The following PDZD2 variants were observed in gnomAD, a reference collection of about 807,000 sequenced individuals.
The protein encoded by PDZD2 is PDZ domain-containing protein 2.
PDZD2 carries 90 observed loss-of-function variants against 220.7 expected under a neutral mutation model. The ratio of observed to expected loss-of-function variants is 0.41; its 90% CI spans 0.34 to 0.49. The LOEUF (loss-of-function observed/expected upper bound fraction) is 0.49, where lower values mean the gene tolerates loss of function less well. PDZD2 is among the 20% of genes least tolerant of loss of function. The pLI is 0.28. For missense variants in PDZD2, 3,174 were observed against 3,608.5 expected (o/e 0.88, Z 3.08); for synonymous variants, 1,375 against 1,450.5 (o/e 0.95, Z 1.18).
At position 32,108,632 on chromosome 5, in the gene PDZD2, T is replaced by C. The variant is rs1233902592; in HGVS notation, c.*497T>C. 1 of 152,884 alleles carries C rather than the reference T, an allele frequency of 6.5e-6. No homozygotes were observed. The highest frequency in any genetic ancestry group is 1.5e-5 in the Non-Finnish European group (1 of 68,234). 9.5% of individuals were successfully genotyped at this position (152,884 alleles called of 1,614,324 possible). A position where few individuals can be genotyped will look rare whatever the true frequency, so the allele number is the denominator to read the frequency against. On this transcript the variant is annotated 3_prime_UTR_variant, in exon 25 of 25. Coordinates refer to ENST00000438447, the MANE Select transcript of PDZD2 (RefSeq NM_178140.4). ...AGGCACATTCAATGGAAGGAGGAGA[T>C]GTAGGTCTGTATATGTTACCCTGAA...
intron 1 of PDZD2, among the ~76,000 whole-genome samples, chr5:31,777,425 G>A (rs368441587): frequency 1.3e-3 from 190 of 146,904 alleles, no homozygotes; most frequent in African/African-American, 4.1e-3. Context: ...CCACGTGTCC[G>A]GAGCCTCCCC....
At chr5:31,835,940 C>T (rs1282168616) in intron 2 of PDZD2, among the ~76,000 whole-genome samples, 1 of 152,166 alleles carries the variant, frequency 6.6e-6, no homozygotes. Flanking sequence ...CTATTATTTC[C>T]AGCAGGCTCA....
chr5:31,708,730 A>G (rs1009367691), intron 1 of PDZD2, among the ~76,000 whole-genome samples: 26 of 152,312 alleles, frequency 1.7e-4, no homozygotes, highest in Admixed American at 1.2e-3. Flanking sequence ...AGACTTTCAC[A>G]TGGTATTGGG....
chr5:31,693,352 C>T (rs1201262744), intron 1 of PDZD2, among the ~76,000 whole-genome samples: 1 of 148,066 alleles, frequency 6.8e-6, no homozygotes, highest in Non-Finnish European at 1.5e-5. Context: ...AGCGATTCTT[C>T]GGTCTCAGCC....
chr5:32,003,061 CA>C (rs1752395242), intron 5 of PDZD2, among the ~76,000 whole-genome samples: 1 of 124,634 alleles, frequency 8.0e-6, no homozygotes, highest in African/African-American at 4.3e-5. Flanking sequence ...ACACCACACA[CA>C]CATCACACAC....
chr5:32,049,152 G>A (rs1738266900), intron 8 of PDZD2, among the ~76,000 whole-genome samples: 1 of 152,010 alleles, frequency 6.6e-6, no homozygotes, highest in Non-Finnish European at 1.5e-5. Flanking sequence ...GGTCATGGGG[G>A]GCTGTAGAGG....
intron 1 of PDZD2, among the ~76,000 whole-genome samples, chr5:31,684,649 A>T (rs1344363196): frequency 1.3e-5 from 2 of 152,096 alleles, no homozygotes; most frequent in Non-Finnish European, 2.9e-5. Flanking sequence ...TTAGAATAGA[A>T]TTCATAGTCC....
chr5:31,744,505 T>C (rs1453304864), intron 1 of PDZD2: 1 of 152,192 alleles, frequency 6.6e-6, no homozygotes, highest in Non-Finnish European at 1.5e-5. Flanking sequence ...CCTTTTGATA[T>C]TGATATCATT....
At chr5:31,716,663 T>C (rs192101644) in intron 1 of PDZD2, among the ~76,000 whole-genome samples, 313 of 151,834 alleles carry the variant, frequency 2.1e-3, no homozygotes, top group African/African-American at 7.2e-3. Flanking sequence ...ATTAGCCGGG[T>C]GTGGTGGTGG....
chr5:31,861,397 C>G (rs1737695817), intron 2 of PDZD2, among the ~76,000 whole-genome samples: 1 of 152,206 alleles, frequency 6.6e-6, no homozygotes, highest in Non-Finnish European at 1.5e-5. Context: ...ACCGTGGGCT[C>G]ACTCAGATTT....
At chr5:31,956,225 C>T (rs1747667871) in intron 2 of PDZD2, among the ~76,000 whole-genome samples, 2 of 152,066 alleles carry the variant, frequency 1.3e-5, no homozygotes. Context: ...ATTGAAGTCT[C>T]CTACTGTACT....
chr5:31,688,035 G>C (rs564743625), intron 1 of PDZD2, among the ~76,000 whole-genome samples: 8 of 152,258 alleles, frequency 5.3e-5, no homozygotes, highest in Middle Eastern at 3.4e-3. Flanking sequence ...TTAGAACTCA[G>C]CTTTTTTTGA....
At chr5:31,677,984 G>T (rs1746504573) in intron 1 of PDZD2, among the ~76,000 whole-genome samples, 1 of 152,036 alleles carries the variant, frequency 6.6e-6, no homozygotes, top group Non-Finnish European at 1.5e-5. Flanking sequence ...GGATAATGAT[G>T]GTTTTATATA....
Position 32,088,417 on chromosome 5 carries a change from A to T in PDZD2, c.4969A>T (p.Thr1657Ser), listed in dbSNP as rs1205007544. ...GGCCGCCTGCTTGCCAGGCTCATACACTTCAGGCCCAGACTCTTCCCAGCC... is the reference window on the plus strand; with the variant it reads ...GGCCGCCTGCTTGCCAGGCTCATACTCTTCAGGCCCAGACTCTTCCCAGCC... ...EKAACLPGSY[T>S]SGPDSSQPSS... Residue 1657 changes from threonine (T) to serine (S), a missense_variant, in exon 20 of 25, where the codon ACT (threonine) becomes TCT (serine). By Grantham distance (58) the Thr-to-Ser change is moderately conservative. Around this residue, in one of 4 missense-constraint regions of PDZD2, gnomAD observed 1,861 missense variants for 2,001.0 expected, o/e 0.93. Coordinates refer to ENST00000438447, the MANE Select transcript of PDZD2 (RefSeq NM_178140.4). This position sits in a 1 kb window ranked among gnomAD's most constrained non-coding sequence, Gnocchi z 4.6. 2 of 1,613,884 alleles carry T rather than the reference A, an allele frequency of 1.2e-6. No homozygotes were observed. The highest frequency in any genetic ancestry group is 2.2e-5 in the East Asian group (1 of 44,862).
Position 31,872,317 on chromosome 5 carries a change from G to A in PDZD2, c.476+72593G>A, listed in dbSNP as rs1738894610. On this transcript the variant is annotated intron_variant, in intron 2 of 24. Transcript: ENST00000438447. The stretch of plus-strand genomic sequence containing the variant: ...AACAAACACGGAGAATTTCCCTGGG[G>A]AAAAATCATGGGTACAGGAAGGACA... Among the ~76,000 whole-genome samples the A allele has an allele frequency of 2.6e-5, 4 of 152,084 alleles. No homozygotes were observed. The South Asian group carries it at 8.3e-4, about 32-fold the overall frequency.
At chr5:31,914,367 T>C (rs1743493835) in intron 2 of PDZD2, among the ~76,000 whole-genome samples, 1 of 152,094 alleles carries the variant, frequency 6.6e-6, no homozygotes, top group South Asian at 2.1e-4. Context: ...CCGTCTCTAC[T>C]AAAAATACAA....
Position 31,793,383 on chromosome 5 carries a change from C to T in PDZD2, c.-360-5506C>T, listed in dbSNP as rs868746242. On this transcript the variant is annotated intron_variant, in intron 1 of 24. Coordinates refer to ENST00000438447, the MANE Select transcript of PDZD2 (RefSeq NM_178140.4). ...TCGGGCAGCCAGGCAAGTCTTTACC[C>T]CAGGGCCTTTGCACCTGCAGTTCCC... 2.0e-5 allele frequency among the ~76,000 whole-genome samples: 3 copies of T among 152,146 alleles called. No homozygotes were observed. In the South Asian group the frequency reaches 6.2e-4, roughly 32 times the overall value.
chr5:31,668,185 G>A (rs1294167404), intron 1 of PDZD2, among the ~76,000 whole-genome samples: 4 of 152,028 alleles, frequency 2.6e-5, no homozygotes, highest in Non-Finnish European at 5.9e-5. Context: ...TCATTGTGTT[G>A]GTGAATGCGT....
intron 6 of PDZD2, among the ~76,000 whole-genome samples, chr5:32,030,096 GC>G (rs760185292): frequency 1.3e-5 from 2 of 152,202 alleles, no homozygotes; most frequent in East Asian, 3.9e-4. Context: ...GGGCTTCATG[GC>G]GTGCTGCATT....
Sources: allele counts gnomAD v4.1 joint callset (sites outside exome capture counted in the v4.1 genomes callset), GRCh38; gene constraint gnomAD v4.1.1; regional missense constraint gnomAD v4.1.1; non-coding constraint Gnocchi (gnomAD v3.1); transcripts MANE v1.5; gene names NCBI Gene and HGNC (gene_info 2026-07-23, HGNC 2026-07-21).